Variants in SYT16 observed in about 807,000 individuals in gnomAD.
The protein encoded by SYT16 is synaptotagmin-16.
A neutral mutation model predicts 61.4 loss-of-function variants in SYT16; 42 were observed. The ratio of observed to expected loss-of-function variants is 0.68; its 90% CI spans 0.53 to 0.89. The LOEUF is 0.89. Ranked by LOEUF, SYT16 falls within the 40% of genes least tolerant of loss-of-function variation. SYT16 has a pLI of 0.00. For missense variants in SYT16, 804 were observed against 807.3 expected, an observed-to-expected ratio of 1.00 and a Z score of 0.05; for synonymous variants, 314 against 302.3, an observed-to-expected ratio of 1.04 and a Z score of -0.40.
At chr14:61,899,835 G>A (rs1432537135) in intron 1 of SYT16, among the ~76,000 whole-genome samples, 1 of 152,176 alleles carries the variant, frequency 6.6e-6, no homozygotes, top group Non-Finnish European at 1.5e-5. Context: ...GTACCGATGA[G>A]GGAAATCAAT....
chr14:61,844,338 A>C (rs924797226), intron 1 of SYT16, among the ~76,000 whole-genome samples: 9 of 152,130 alleles, frequency 5.9e-5, no homozygotes, highest in Non-Finnish European at 1.0e-4. Context: ...AAATAAGGAT[A>C]ATTTGACTTC....
intron 3 of SYT16, among the ~76,000 whole-genome samples, chr14:62,022,189 T>C (rs1001595529): frequency 1.3e-5 from 2 of 152,156 alleles, no homozygotes; most frequent in Non-Finnish European, 2.9e-5. Context: ...TGTTTTCTGT[T>C]AGCTTCAAAA....
At chr14:62,050,215 G>A (rs1018291906) in intron 3 of SYT16, among the ~76,000 whole-genome samples, 15 of 151,844 alleles carry the variant, frequency 9.9e-5, no homozygotes, top group South Asian at 2.1e-4. Context: ...GCTTCATTTC[G>A]TTCATTTTGT....
chr14:62,021,716 C>T (rs1345006813), intron 3 of SYT16, among the ~76,000 whole-genome samples: 2 of 152,144 alleles, frequency 1.3e-5, no homozygotes, highest in African/African-American at 2.4e-5. Flanking sequence ...AGCCCCCAGT[C>T]TTTCTCATTA....
chr14:61,890,513 A>G (rs921264941), intron 1 of SYT16, among the ~76,000 whole-genome samples: 1 of 147,962 alleles, frequency 6.8e-6, no homozygotes, highest in Non-Finnish European at 1.5e-5. Context: ...AAAAAAAAAA[A>G]CACTATACAA....
chr14:62,024,319 C>T (rs1409446883), intron 3 of SYT16, among the ~76,000 whole-genome samples: 7 of 151,936 alleles, frequency 4.6e-5, no homozygotes, highest in Admixed American at 3.9e-4. Context: ...GAAGAATCAG[C>T]TCTAAGAGTT....
intron 3 of SYT16, 113 bp from the exon 4 acceptor site, chr14:62,069,490 C>A: frequency 1.9e-6 from 2 of 1,068,144 alleles, no homozygotes; most frequent in Non-Finnish European, 2.8e-6. Flanking sequence ...TTTGAGTGTG[C>A]CTTCGTTCAA....
At chr14:61,912,541 G>T (rs1020193) in intron 1 of SYT16, among the ~76,000 whole-genome samples, 27,990 of 152,138 alleles carry the variant, frequency 0.18, 3,362 homozygotes, top group Non-Finnish European at 0.26. Flanking sequence ...TTTAATCAAA[G>T]ATTTCCTTTT....
chr14:61,911,672 A>T (rs1419083414), intron 1 of SYT16, among the ~76,000 whole-genome samples: 4 of 152,208 alleles, frequency 2.6e-5, no homozygotes, highest in African/African-American at 9.7e-5. Flanking sequence ...ATTTAACCAT[A>T]ACAAAAACAC....
rs996371788 is a variant in SYT16 at position 61,832,121 on chromosome 14, G to T, written c.-325+19311G>T. 6 of 725,672 alleles carry T rather than the reference G, an allele frequency of 8.3e-6. No individual in the cohort carries two copies. The Admixed American group carries it at 9.2e-5, about 11-fold the overall frequency. 45.0% of individuals were successfully genotyped at this position (725,672 alleles called of 1,614,324 possible). On this transcript the variant is annotated intron_variant, in intron 1 of 7. Transcript: ENST00000683842. ...CAGCAAAGCTCTCCTTGAACTGAAT[G>T]TGATACAACTCGACTTTCCCATCCG... is the stretch of plus-strand genomic sequence containing the variant.
At chr14:61,904,744 A>C (rs995521168) in intron 1 of SYT16, among the ~76,000 whole-genome samples, 3 of 152,240 alleles carry the variant, frequency 2.0e-5, no homozygotes. Flanking sequence ...GGGCCTCTGA[A>C]GGCAGATTGA....
intron 1 of SYT16, among the ~76,000 whole-genome samples, chr14:61,877,263 T>C (rs1398875876): frequency 6.6e-6 from 1 of 152,094 alleles, no homozygotes; most frequent in African/African-American, 2.4e-5. Context: ...TGACATCTGG[T>C]TGGCATTCTT....
At chr14:62,051,630 C>G (rs6573416) in intron 3 of SYT16, among the ~76,000 whole-genome samples, 25,303 of 152,188 alleles carry the variant, frequency 0.17, 2,353 homozygotes, top group South Asian at 0.28. Context: ...CTGTATTTTT[C>G]TTTTTAAAAT....
At chr14:62,042,000 C>G (rs1035134858) in intron 3 of SYT16, among the ~76,000 whole-genome samples, 6 of 152,108 alleles carry the variant, frequency 3.9e-5, no homozygotes, top group African/African-American at 1.4e-4. Flanking sequence ...ATCTCTTTAC[C>G]TATCAGGTTC....
At chr14:61,926,829 T>C (rs1220915902) in intron 1 of SYT16, among the ~76,000 whole-genome samples, 1 of 152,166 alleles carries the variant, frequency 6.6e-6, no homozygotes, top group Non-Finnish European at 1.5e-5. Flanking sequence ...GGGCTTTCAG[T>C]TTCAGAGGGT....
chr14:61,818,054 A>C (rs969767057), intron 1 of SYT16, among the ~76,000 whole-genome samples: 2 of 152,226 alleles, frequency 1.3e-5, no homozygotes, highest in African/African-American at 4.8e-5. Flanking sequence ...GTCTAATACT[A>C]TTGAGTTTAC....
chr14:61,861,923 T>TA (rs375453113), intron 1 of SYT16, among the ~76,000 whole-genome samples: 14 of 152,270 alleles, frequency 9.2e-5, no homozygotes, highest in African/African-American at 1.9e-4. Context: ...ACTTTATTGC[T>TA]AAAAAAATAC....
intron 1 of SYT16, chr14:61,832,458 C>T (rs2045971251): frequency 7.4e-6 from 3 of 406,430 alleles, no homozygotes; most frequent in East Asian, 5.8e-5. Context: ...TTTTCCGAGA[C>T]GGAGTTTTGC....
At chr14:61,820,750 T>A (rs1273716494) in intron 1 of SYT16, among the ~76,000 whole-genome samples, 1 of 152,118 alleles carries the variant, frequency 6.6e-6, no homozygotes, top group Admixed American at 6.6e-5. Context: ...CAGAGTTGAA[T>A]GCCCTCCTGG....
Sources: gnomAD v4.1 joint callset for allele counts (sites outside exome capture counted in the v4.1 genomes callset) on GRCh38, gnomAD v4.1.1 for gene constraint, MANE v1.5 for transcripts, NCBI Gene and HGNC (gene_info 2026-07-23, HGNC 2026-07-21) for gene names.